GVQW3: variants seen among roughly 807,000 people sequenced by gnomAD.
GVQW3 encodes GVQW motif containing 3.
Under a neutral mutation model 12.5 loss-of-function variants are expected in GVQW3, and 7 were observed. The ratio of observed to expected loss-of-function variants is 0.56; its 90% CI spans 0.32 to 1.05. The LOEUF is 1.05. Ranked by LOEUF, GVQW3 falls within the 50% of genes least tolerant of loss-of-function variation. The probability of loss-of-function intolerance (pLI) is 0.04; values close to 1 mark genes in which losing one functional copy is unlikely to be tolerated. For missense variants in GVQW3, 188 were observed against 190.8 expected, an observed-to-expected ratio of 0.99 and a Z score of 0.09; for synonymous variants, 71 against 67.2, an observed-to-expected ratio of 1.06 and a Z score of -0.28.
intron 1 of GVQW3, among the ~76,000 whole-genome samples, chr11:76,385,776 GT>G (rs919814292): frequency 2.0e-5 from 3 of 152,146 alleles, no homozygotes; most frequent in African/African-American, 7.2e-5. Context: ...GGAATTATGT[GT>G]TGATTTTGTT....
At chr11:76,413,940 G>C (rs1024541417) in exon 2 of GVQW3, 1 of 152,148 alleles carries the variant, frequency 6.6e-6, no homozygotes, top group Admixed American at 6.5e-5. Flanking sequence ...TGAGATAGAG[G>C]ATAGAAACAT....
Position 76,404,149 on chromosome 11 carries a change from G to T in GVQW3, c.*391G>T. 4.5e-6 allele frequency: 2 copies of T among 448,130 alleles called. No individual in the cohort carries two copies. Among genetic ancestry groups the T allele is most frequent in the Non-Finnish European group, 7.9e-6 (2 of 251,982 alleles). The allele number at this position is 448,130 out of a possible 1,614,324, so 27.8% of individuals were successfully genotyped here. On this transcript the variant is annotated 3_prime_UTR_variant, in exon 2 of 2. Coordinates refer to ENST00000529331, the MANE Select transcript of GVQW3 (RefSeq NM_001347885.2). Reference sequence around the variant, plus strand: ...TTATTTACTTATTTATTTTAGACTAGTTAAGTTCAGTAGTGAGAAAGAGGG... The same window carrying T: ...TTATTTACTTATTTATTTTAGACTATTTAAGTTCAGTAGTGAGAAAGAGGG...
chr11:76,412,290 A>G (rs892852381), downstream of GVQW3: 2 of 152,222 alleles, frequency 1.3e-5, no homozygotes, highest in African/African-American at 4.8e-5. Context: ...GATACAAATC[A>G]AGTGTTTTGG....
chr11:76,387,317 T>C (rs1432700373), intron 1 of GVQW3, among the ~76,000 whole-genome samples: 1 of 151,996 alleles, frequency 6.6e-6, no homozygotes, highest in Admixed American at 6.6e-5. Context: ...GTGTCTGTAA[T>C]CCCAGCTACC....
downstream of GVQW3, among the ~76,000 whole-genome samples, chr11:76,409,066 T>A (rs1370038747): frequency 6.6e-6 from 1 of 152,186 alleles, no homozygotes; most frequent in Non-Finnish European, 1.5e-5. Context: ...TTATTTAATT[T>A]TACGAAAGAA....
At chr11:76,392,376 G>C (rs1037914404) in intron 1 of GVQW3, 3 of 152,196 alleles carry the variant, frequency 2.0e-5, no homozygotes, top group African/African-American at 7.2e-5. Flanking sequence ...CAGTACCCCT[G>C]TACCTTGCAT....
intron 1 of GVQW3, among the ~76,000 whole-genome samples, chr11:76,400,000 T>A: frequency 8.9e-6 from 1 of 112,818 alleles, no homozygotes. Flanking sequence ...TCTCTCTCTC[T>A]CTGTATACAC....
At chr11:76,392,314 A>C (rs1946900323) in intron 1 of GVQW3, 1 of 152,264 alleles carries the variant, frequency 6.6e-6, no homozygotes, top group Admixed American at 6.5e-5. Flanking sequence ...GTACACAAGG[A>C]TTTAGTGTGT....
chr11:76,387,357 AC>A (rs1399900388), intron 1 of GVQW3, among the ~76,000 whole-genome samples: 3 of 151,634 alleles, frequency 2.0e-5, no homozygotes, highest in Admixed American at 6.6e-5. Context: ...AATTGCTTGA[AC>A]CCTGGAGGCT....
In GVQW3 at chr11:76,381,358, G is replaced by C. The variant is rs922955762; in HGVS notation, c.-471G>C. The C allele has an allele frequency of 6.5e-6, 1 of 154,744 alleles. No individual in the cohort carries two copies. The highest frequency in any genetic ancestry group is 1.4e-5 in the Non-Finnish European group (1 of 69,922). The allele number at this position is 154,744 out of a possible 1,614,324, so 9.6% of individuals were successfully genotyped here. A position where few individuals can be genotyped will look rare whatever the true frequency, so the allele number is the denominator to read the frequency against. ...GTCTCCCGGGACGCTAGAGCAGGCG[G>C]TTCCTGGGCTGCTCCGGTAGGTTTG... On this transcript the variant is annotated 5_prime_UTR_variant, in exon 1 of 2. Coordinates refer to ENST00000529331, the MANE Select transcript of GVQW3 (RefSeq NM_001347885.2).
chr11:76,387,606 G>A (rs574256678), intron 1 of GVQW3, among the ~76,000 whole-genome samples: 10 of 151,740 alleles, frequency 6.6e-5, no homozygotes, highest in African/African-American at 2.2e-4. Context: ...CATTGATCTG[G>A]CAGTGTCTGA....
Position 76,381,913 on chromosome 11 carries a change from T to A in GVQW3, c.85T>A (p.Leu29Ile). ...GTCTGCAAGTGAGACCCACCATCTT[T>A]TAAAAGAAGCTTATGGGGATGAAGT... Reference protein sequence around the residue: ...NKSASETHHLLKEAYGDEVMS... With the variant: ...NKSASETHHLIKEAYGDEVMS... Residue 29 changes from leucine (L) to isoleucine (I), a missense_variant, in exon 1 of 2, where the codon TTA becomes ATA. Transcript: ENST00000529331. The A allele has an allele frequency of 6.5e-7, 1 of 1,536,448 alleles. No homozygotes were observed. Among genetic ancestry groups the A allele is most frequent in the South Asian group, 1.2e-5 (1 of 84,046 alleles).
Position 76,400,015 on chromosome 11 carries a change from AC to A in GVQW3, c.466-3644del, listed in dbSNP as rs1288738213. ...TCTCTCTCTCTCTGTATACACACAC[AC>A]ACACACACACACACACACACACACA... is the stretch of plus-strand genomic sequence containing the variant. On this transcript the variant is annotated intron_variant, in intron 1 of 1. Transcript: ENST00000529331. 5.9e-3 allele frequency among the ~76,000 whole-genome samples: 801 copies of A among 136,188 alleles called. 6 individuals carry two copies. The highest frequency in any genetic ancestry group is 0.018 in the African/African-American group (685 of 37,314). 89.3% of individuals were successfully genotyped at this position (136,188 alleles called of 152,430 possible).
chr11:76,408,281 C>T (rs1947060640), downstream of GVQW3: 1 of 152,156 alleles, frequency 6.6e-6, no homozygotes, highest in South Asian at 2.1e-4. Flanking sequence ...AGGATTAGCT[C>T]TGCCTGGGAG....
At position 76,404,582 on chromosome 11, in the gene GVQW3, A is replaced by C. The variant is rs1947021501; in HGVS notation, c.*824A>C. On this transcript the variant is annotated 3_prime_UTR_variant, in exon 2 of 2. Coordinates refer to ENST00000529331, the MANE Select transcript of GVQW3 (RefSeq NM_001347885.2). Reference sequence around the variant, plus strand: ...TGGCTGGAAAGATGTGGAAGTCAATAAGCATTTCCTCCACCACCCAGAAGC... The same window carrying C: ...TGGCTGGAAAGATGTGGAAGTCAATCAGCATTTCCTCCACCACCCAGAAGC... 1 of 152,320 alleles carries C rather than the reference A, an allele frequency of 6.6e-6. No individual in the cohort carries two copies. The highest frequency in any genetic ancestry group is 6.5e-5 in the Admixed American group (1 of 15,280). The allele number at this position is 152,320 out of a possible 1,614,324, so 9.4% of individuals were successfully genotyped here.
intron 1 of GVQW3, among the ~76,000 whole-genome samples, chr11:76,396,252 C>T (rs954502410): frequency 6.6e-6 from 1 of 151,796 alleles, no homozygotes; most frequent in African/African-American, 2.4e-5. Context: ...TTAGCATTTG[C>T]CTAGTATATT....
At chr11:76,402,849 C>A (rs1947004140) in intron 1 of GVQW3, among the ~76,000 whole-genome samples, 1 of 152,074 alleles carries the variant, frequency 6.6e-6, no homozygotes, top group Admixed American at 6.6e-5. Flanking sequence ...CAGGCACACA[C>A]CACCACACCC....
Position 76,405,999 on chromosome 11 carries a change from C to T in GVQW3, c.*2241C>T, listed in dbSNP as rs1408162695. On this transcript the variant is annotated 3_prime_UTR_variant, in exon 2 of 2. Transcript: ENST00000529331. ...CTTTTTTACTTTTTTTTGAGACAGGCTCTCCCTATGTCACCGAGGCTACAG... is the reference window on the plus strand; with the variant it reads ...CTTTTTTACTTTTTTTTGAGACAGGTTCTCCCTATGTCACCGAGGCTACAG... 6.6e-6 allele frequency: 1 copy of T among 151,068 alleles called. No individual in the cohort carries two copies. The highest frequency in any genetic ancestry group is 1.5e-5 in the Non-Finnish European group (1 of 67,808). 9.4% of individuals were successfully genotyped at this position (151,068 alleles called of 1,614,324 possible). A position where few individuals can be genotyped will look rare whatever the true frequency, so the allele number is the denominator to read the frequency against.
At chr11:76,412,773 C>T (rs1044418260), downstream of GVQW3, 3 of 152,250 alleles carry the variant, frequency 2.0e-5, no homozygotes, top group Non-Finnish European at 2.9e-5. Flanking sequence ...CATACCTCCC[C>T]AGCCAGGGTA....
Sources: allele counts gnomAD v4.1 joint callset (sites outside exome capture counted in the v4.1 genomes callset), GRCh38; gene constraint gnomAD v4.1.1; transcripts MANE v1.5; gene names NCBI Gene and HGNC (gene_info 2026-07-23, HGNC 2026-07-21).